Variants in ERC2 observed in about 807,000 individuals in gnomAD.
The protein encoded by ERC2 is ERC protein 2.
A neutral mutation model predicts 114.8 loss-of-function variants in ERC2; 42 were observed. The observed-to-expected ratio is 0.37, with a 90% CI of 0.29 to 0.47. ERC2 has a LOEUF of 0.47. ERC2 is among the 20% of genes least tolerant of loss of function. The pLI, the probability that ERC2 is intolerant of heterozygous loss-of-function variation, is 0.99. For synonymous variants in ERC2, 454 were observed against 425.5 expected, an observed-to-expected ratio of 1.07 and a Z score of -0.82; for missense variants, 939 against 1,150.7, an observed-to-expected ratio of 0.82 and a Z score of 2.66.
chr3:55,953,612 A>T (rs997235326), intron 12 of ERC2, among the ~76,000 whole-genome samples: 2 of 152,192 alleles, frequency 1.3e-5, no homozygotes, highest in Admixed American at 6.5e-5. Flanking sequence ...AGGTGAGCAG[A>T]GCCTCACTAC....
At chr3:55,825,499 T>C (rs1482125544) in intron 14 of ERC2, among the ~76,000 whole-genome samples, 4 of 152,256 alleles carry the variant, frequency 2.6e-5, no homozygotes, top group Non-Finnish European at 4.4e-5. Context: ...TATCTGGATG[T>C]CTGCATAACT....
intron 3 of ERC2, among the ~76,000 whole-genome samples, chr3:56,199,022 T>A (rs1048629794): frequency 2.0e-5 from 3 of 152,158 alleles, no homozygotes; most frequent in Non-Finnish European, 2.9e-5. Context: ...CAGGTATTTA[T>A]TGAGCATCTA....
chr3:56,042,807 C>T (rs138628576), intron 7 of ERC2, among the ~76,000 whole-genome samples: 194 of 151,970 alleles, frequency 1.3e-3, no homozygotes, highest in African/African-American at 4.5e-3. Flanking sequence ...AAAATGTGGT[C>T]GAAACCCCTA....
intron 17 of ERC2, among the ~76,000 whole-genome samples, chr3:55,601,572 A>G (rs1409656625): frequency 6.6e-6 from 1 of 152,222 alleles, no homozygotes; most frequent in Non-Finnish European, 1.5e-5. Context: ...AGTCCAGGAA[A>G]CAAGTGCTTC....
chr3:56,447,020 G>C (rs2062608403), intron 1 of ERC2, among the ~76,000 whole-genome samples: 1 of 152,212 alleles, frequency 6.6e-6, no homozygotes, highest in African/African-American at 2.4e-5. Context: ...GCCTCCGGAA[G>C]GGCAAGAAAC....
At chr3:56,393,854 T>G (rs141898802) in intron 2 of ERC2, among the ~76,000 whole-genome samples, 41 of 152,124 alleles carry the variant, frequency 2.7e-4, no homozygotes, top group African/African-American at 9.6e-4. Context: ...AGAAGCTTCA[T>G]AGCACAAAGC....
At chr3:56,269,584 G>A (rs1021977452) in intron 3 of ERC2, among the ~76,000 whole-genome samples, 1 of 152,070 alleles carries the variant, frequency 6.6e-6, no homozygotes, top group Non-Finnish European at 1.5e-5. Context: ...GGAACTAGGG[G>A]AAAAAAACAC....
At chr3:56,146,853 T>C (rs1312611557) in intron 5 of ERC2, among the ~76,000 whole-genome samples, 1 of 152,196 alleles carries the variant, frequency 6.6e-6, no homozygotes, top group African/African-American at 2.4e-5. Flanking sequence ...TCAAACATTC[T>C]TCTGACCTGA....
intron 2 of ERC2, among the ~76,000 whole-genome samples, chr3:56,301,283 A>G (rs753059157): frequency 1.3e-5 from 2 of 152,264 alleles, no homozygotes; most frequent in South Asian, 4.1e-4. Flanking sequence ...ATTTTCTCAA[A>G]TTCATGTTTA....
intron 17 of ERC2, among the ~76,000 whole-genome samples, chr3:55,519,759 A>T (rs2052775360): frequency 6.6e-6 from 1 of 152,168 alleles, no homozygotes; most frequent in Admixed American, 6.5e-5. Flanking sequence ...TAGGCTGGAC[A>T]TCATGGTTCA....
At chr3:56,113,083 G>T (rs928001127) in intron 6 of ERC2, among the ~76,000 whole-genome samples, 1 of 152,154 alleles carries the variant, frequency 6.6e-6, no homozygotes, top group African/African-American at 2.4e-5. Flanking sequence ...AATAGGTGGG[G>T]TGTTAATATC....
chr3:56,316,496 T>C (rs969152437), intron 2 of ERC2, among the ~76,000 whole-genome samples: 1 of 152,218 alleles, frequency 6.6e-6, no homozygotes, highest in Non-Finnish European at 1.5e-5. Context: ...GAAATTATTC[T>C]ACCACTGTTA....
intron 14 of ERC2, among the ~76,000 whole-genome samples, chr3:55,863,580 T>C (rs541099454): frequency 1.3e-5 from 2 of 152,198 alleles, no homozygotes; most frequent in South Asian, 4.2e-4. Flanking sequence ...TAAAAGCCAC[T>C]TTGAATGGTT....
At chr3:56,037,514 A>C (rs1374668705) in intron 7 of ERC2, among the ~76,000 whole-genome samples, 1 of 152,174 alleles carries the variant, frequency 6.6e-6, no homozygotes. Context: ...AAAGGAATGA[A>C]AAGGAAGGAA....
chr3:56,242,379 C>T lies in ERC2; in HGVS notation c.1074+53640G>A, dbSNP rs529649291. 2.9e-3 allele frequency among the ~76,000 whole-genome samples: 437 copies of T among 152,112 alleles called. 1 individual carries two copies. Among genetic ancestry groups the T allele is most frequent in the African/African-American group, 9.3e-3 (384 of 41,502 alleles). On this transcript the variant is annotated intron_variant, in intron 3 of 17. Coordinates refer to ENST00000288221, the MANE Select transcript of ERC2 (RefSeq NM_015576.3). The stretch of plus-strand genomic sequence containing the variant: ...GGTACAGTGTACACTGCTCAGGTGA[C>T]GGGTATACCAAAATCTCAGAAATCA...
chr3:56,417,066 G>C (rs368974106), intron 2 of ERC2, among the ~76,000 whole-genome samples: 1 of 152,178 alleles, frequency 6.6e-6, no homozygotes, highest in Non-Finnish European at 1.5e-5. Context: ...GATGGATTCT[G>C]TAGACTGAGA....
chr3:56,021,887 G>A (rs1051608544), intron 7 of ERC2, among the ~76,000 whole-genome samples: 15 of 152,308 alleles, frequency 9.8e-5, no homozygotes, highest in East Asian at 1.9e-4. Context: ...CCATGTTCCC[G>A]CACAAGACAT....
intron 14 of ERC2, among the ~76,000 whole-genome samples, chr3:55,774,409 C>A (rs1437803370): frequency 6.6e-6 from 1 of 152,222 alleles, no homozygotes. Flanking sequence ...ATACAAAGCA[C>A]TCAGGGACCC....
chr3:55,668,070 A>G (rs993157484), intron 17 of ERC2, among the ~76,000 whole-genome samples: 1 of 151,950 alleles, frequency 6.6e-6, no homozygotes, highest in African/African-American at 2.4e-5. Flanking sequence ...TGCATAATAA[A>G]TTATATATCT....
Sources: allele counts gnomAD v4.1 joint callset (sites outside exome capture counted in the v4.1 genomes callset), GRCh38; gene constraint gnomAD v4.1.1; transcripts MANE v1.5; gene names NCBI Gene and HGNC (gene_info 2026-07-23, HGNC 2026-07-21).